Variants in ANKRD45 observed in about 807,000 individuals in gnomAD.
ANKRD45 encodes the protein ankyrin repeat domain 45, also known as ankyrin repeat domain-containing protein 45.
ANKRD45 carries 21 observed loss-of-function variants against 28.1 expected under a neutral mutation model. The observed-to-expected ratio is 0.75, with a 90% confidence interval of 0.53 to 1.08. ANKRD45 has a LOEUF of 1.08. ANKRD45 is among the 50% of genes least tolerant of loss of function. The pLI is 0.00. For missense variants in ANKRD45, 261 were observed against 308.7 expected, an observed-to-expected ratio of 0.85 and a Z score of 1.16; for synonymous variants, 86 against 103.9, an observed-to-expected ratio of 0.83 and a Z score of 1.05.
At chr1:173,697,713 G>T in the ANKRD45 span, among the ~76,000 whole-genome samples, 1 of 152,100 alleles carries the variant, frequency 6.6e-6, no homozygotes, top group South Asian at 2.1e-4. Context: ...GCAAAAATAC[G>T]CAAAATGGTA....
the ANKRD45 span, among the ~76,000 whole-genome samples, chr1:173,682,684 T>TACGCACACACACACACACACACAC: frequency 9.1e-4 from 131 of 144,032 alleles, no homozygotes; most frequent in Non-Finnish European, 1.6e-3. Context: ...GCCTTTTAAA[T>TACGCACACACACACACACACACAC]ACACACACAC....
In ANKRD45 at chr1:173,609,710, T is replaced by G. The variant is rs1667063009; in HGVS notation, c.*435A>C. 6.4e-6 allele frequency: 1 copy of G among 157,092 alleles called. No individual in the cohort carries two copies. Among genetic ancestry groups the G allele is most frequent in the African/African-American group, 2.4e-5 (1 of 41,544 alleles). 9.7% of individuals were successfully genotyped at this position (157,092 alleles called of 1,614,324 possible). A position where few individuals can be genotyped will look rare whatever the true frequency, so the allele number is the denominator to read the frequency against. ...AGTGATAGTTGTACCCAGAGGCTCC[T>G]AATCCAAGCTGGTCTTAATATTTCC... On this transcript the variant is annotated 3_prime_UTR_variant, in exon 6 of 6. Transcript: ENST00000333279.
the ANKRD45 span, among the ~76,000 whole-genome samples, chr1:173,695,108 T>C: frequency 1.3e-5 from 2 of 152,202 alleles, no homozygotes; most frequent in African/African-American, 4.8e-5. Flanking sequence ...TTATATCATG[T>C]GTATATTCTT....
rs186553981 is a variant in ANKRD45, at chr1:173,616,213, T to C, written c.731-5998A>G. The stretch of plus-strand genomic sequence containing the variant: ...CCACATGGATGGACATTAAAAATAT[T>C]ATGCCAAGTGAGAGAGGCCACCACG... On this transcript the variant is annotated intron_variant, in intron 5 of 5. Coordinates refer to ENST00000333279, the MANE Select transcript of ANKRD45 (RefSeq NM_198493.3). Among the ~76,000 whole-genome samples the C allele has an allele frequency of 2.0e-3, 305 of 152,250 alleles. 1 individual carries two copies. The highest frequency in any genetic ancestry group is 6.9e-3 in the African/African-American group (288 of 41,538).
chr1:173,713,053 G>A, the ANKRD45 span, among the ~76,000 whole-genome samples: 3 of 152,168 alleles, frequency 2.0e-5, no homozygotes, highest in East Asian at 5.8e-4. Flanking sequence ...GAAAATGGAA[G>A]TTGCAAAAGA....
chr1:173,626,787 C>G (rs1667958939), intron 4 of ANKRD45, among the ~76,000 whole-genome samples: 1 of 152,060 alleles, frequency 6.6e-6, no homozygotes, highest in Admixed American at 6.6e-5. Context: ...TTTTTTTACT[C>G]AATATTACAT....
At chr1:173,698,210 A>G in the ANKRD45 span, among the ~76,000 whole-genome samples, 40 of 152,178 alleles carry the variant, frequency 2.6e-4, 1 homozygote, top group African/African-American at 8.9e-4. Flanking sequence ...TTCCCACACA[A>G]TAATAATGGG....
At chr1:173,702,147 G>A in the ANKRD45 span, among the ~76,000 whole-genome samples, 2 of 152,166 alleles carry the variant, frequency 1.3e-5, no homozygotes, top group African/African-American at 4.8e-5. Flanking sequence ...ACATGATCTT[G>A]GAGGGGGATG....
chr1:173,681,741 G>A, the ANKRD45 span, among the ~76,000 whole-genome samples: 8 of 152,072 alleles, frequency 5.3e-5, no homozygotes, highest in African/African-American at 1.9e-4. Flanking sequence ...AGTCTGGTAT[G>A]CTAATGGAAG....
In ANKRD45 at chr1:173,612,069, C is replaced by T. The variant is rs576955730; in HGVS notation, c.731-1854G>A. 2.0e-5 allele frequency among the ~76,000 whole-genome samples: 3 copies of T among 152,064 alleles called. No homozygotes were observed. The East Asian group carries it at 5.8e-4, about 29-fold the overall frequency. ...GACCAGCCTGGGCAATATGGCAAAA[C>T]CCTGTCTCTACAAAATGTAGAAAAA... On this transcript the variant is annotated intron_variant, in intron 5 of 5. Transcript: ENST00000333279.
the ANKRD45 span, among the ~76,000 whole-genome samples, chr1:173,711,088 C>T: frequency 1.3e-5 from 2 of 152,186 alleles, no homozygotes; most frequent in African/African-American, 4.8e-5. Flanking sequence ...TTAGGTCCAA[C>T]CACTGTATTT....
At chr1:173,677,317 G>C in the ANKRD45 span, among the ~76,000 whole-genome samples, 1 of 151,822 alleles carries the variant, frequency 6.6e-6, no homozygotes, top group Non-Finnish European at 1.5e-5. Flanking sequence ...TTTTAATCTT[G>C]ATCATAAGCT....
At chr1:173,620,119 C>T (rs1252516153) in intron 5 of ANKRD45, among the ~76,000 whole-genome samples, 1 of 152,310 alleles carries the variant, frequency 6.6e-6, no homozygotes, top group Middle Eastern at 3.4e-3. Flanking sequence ...TAGATATCTA[C>T]AAAACTCTTC....
At chr1:173,677,856 G>A in the ANKRD45 span, among the ~76,000 whole-genome samples, 15 of 152,174 alleles carry the variant, frequency 9.9e-5, no homozygotes, top group East Asian at 7.7e-4. Flanking sequence ...TCAATAAGAC[G>A]TAAAATCTGT....
At chr1:173,669,104 CAAGT>C (rs1490317005) in intron 1 of ANKRD45, among the ~76,000 whole-genome samples, 1 of 152,126 alleles carries the variant, frequency 6.6e-6, no homozygotes, top group Non-Finnish European at 1.5e-5. Flanking sequence ...AGGGAAGACA[CAAGT>C]AAATCAGCAA....
the ANKRD45 span, chr1:173,714,915 A>C: frequency 1.3e-5 from 2 of 152,248 alleles, no homozygotes; most frequent in Admixed American, 6.5e-5. Flanking sequence ...ACGATTTAAG[A>C]ATAGGACTAC....
intron 4 of ANKRD45, among the ~76,000 whole-genome samples, chr1:173,626,298 T>C (rs1667935200): frequency 6.6e-6 from 1 of 152,206 alleles, no homozygotes; most frequent in Admixed American, 6.5e-5. Flanking sequence ...ATACCTTCAG[T>C]ATATTTTTTA....
intron 2 of ANKRD45, among the ~76,000 whole-genome samples, chr1:173,650,569 C>T (rs182792030): frequency 2.6e-5 from 4 of 152,182 alleles, no homozygotes; most frequent in African/African-American, 4.8e-5. Context: ...CATACGTGTG[C>T]GTGTGTCTTT....
At chr1:173,682,720 C>CACACACACACACAT in the ANKRD45 span, among the ~76,000 whole-genome samples, 6 of 150,788 alleles carry the variant, frequency 4.0e-5, no homozygotes, top group South Asian at 2.1e-4. Context: ...CACACACACA[C>CACACACACACACAT]ACATCTTGGA....
Sources: gnomAD v4.1 joint callset for allele counts (sites outside exome capture counted in the v4.1 genomes callset) on GRCh38, gnomAD v4.1.1 for gene constraint, MANE v1.5 for transcripts, NCBI Gene and HGNC (gene_info 2026-07-23, HGNC 2026-07-21) for gene names.